Variants in CD99 observed in about 807,000 individuals in gnomAD.
CD99 encodes the protein CD99 molecule (Xg blood group).
In CD99, 19 loss-of-function variants were observed where a neutral mutation model predicts 28.4. The ratio of observed to expected loss-of-function variants is 0.67; its 90% confidence interval spans 0.47 to 0.98. The LOEUF (loss-of-function observed/expected upper bound fraction) is 0.98. CD99 is among the 50% of genes least tolerant of loss of function. The pLI is 0.00. For missense variants in CD99, 283 were observed against 248.8 expected (o/e 1.14, Z -0.92); for synonymous variants, 103 against 92.1 (o/e 1.12, Z -0.67).
chrX:2,691,517 C>A lies in CD99; in HGVS notation c.67+90C>A, dbSNP rs1430557896. On this transcript the variant is annotated intron_variant, in intron 1 of 9. Coordinates refer to ENST00000381192, the MANE Select transcript of CD99 (RefSeq NM_002414.5). ...TTGAGATGCGGCGTTGGGGGCGCCC[C>A]GCGGGGACACCCGGAGCCTCCTCCC... 2.9e-6 allele frequency: 4 copies of A among 1,392,726 alleles called. 1 individual carries two copies. Among genetic ancestry groups the A allele is most frequent in the Non-Finnish European group, 9.8e-7 (1 of 1,019,414 alleles). 86.3% of individuals were successfully genotyped at this position (1,392,726 alleles called of 1,614,324 possible).
intron 1 of CD99, among the ~76,000 whole-genome samples, chrX:2,695,535 T>C (rs311032): frequency 0.74 from 112,982 of 151,858 alleles, 42,341 homozygotes; most frequent in South Asian, 0.79. Flanking sequence ...CCTCAGCCTC[T>C]GTAGTAGCTG....
chrX:2,740,239 A>G (rs2050137606), intron 9 of CD99, among the ~76,000 whole-genome samples: 1 of 152,222 alleles, frequency 6.6e-6, no homozygotes. Flanking sequence ...TGGCTTCATT[A>G]GCCAGTACAT....
At chrX:2,703,930 C>T (rs1415998681) in intron 1 of CD99, among the ~76,000 whole-genome samples, 6 of 151,926 alleles carry the variant, frequency 3.9e-5, no homozygotes, top group Admixed American at 2.0e-4. Context: ...GTGACAGGGA[C>T]GGAGAGCAGG....
intron 1 of CD99, among the ~76,000 whole-genome samples, chrX:2,694,527 T>TG (rs1487563924): frequency 3.9e-5 from 6 of 152,068 alleles, no homozygotes; most frequent in Middle Eastern, 3.4e-3. Flanking sequence ...CGAGGGCCGG[T>TG]GGGTCACATG....
chrX:2,715,026 A>G (rs1009059215), intron 2 of CD99: 4 of 152,508 alleles, frequency 2.6e-5, no homozygotes, highest in African/African-American at 9.7e-5. Context: ...GGAGGTGAGC[A>G]AATGGAGGTC....
chrX:2,693,290 T>G (rs1174403356), intron 1 of CD99, among the ~76,000 whole-genome samples: 1 of 140,056 alleles, frequency 7.1e-6, no homozygotes, highest in Admixed American at 8.2e-5. Flanking sequence ...AGACTGGGCT[T>G]AGGAACTCCA....
rs1027323096 is a variant in CD99, at chrX:2,711,410, TA to T, written c.68-3011del. Among the ~76,000 whole-genome samples the T allele has an allele frequency of 2.0e-3, 253 of 124,302 alleles. 3 individuals carry two copies. The highest frequency in any genetic ancestry group is 8.0e-3 in the African/African-American group (216 of 27,090). The allele number at this position is 124,302 out of a possible 152,430, so 81.5% of individuals were successfully genotyped here. A position where few individuals can be genotyped will look rare whatever the true frequency, so the allele number is the denominator to read the frequency against. On this transcript the variant is annotated intron_variant, in intron 1 of 9. Coordinates refer to ENST00000381192, the MANE Select transcript of CD99 (RefSeq NM_002414.5). ...TATGTGTATATATAGTATGTGTGTGTATTATATATATATATAGTATGTGTAT... is the reference window on the plus strand; with the variant it reads ...TATGTGTATATATAGTATGTGTGTGTTTATATATATATATAGTATGTGTAT...
chrX:2,734,016 T>C (rs2049809267), intron 8 of CD99, among the ~76,000 whole-genome samples: 1 of 152,132 alleles, frequency 6.6e-6, no homozygotes, highest in South Asian at 2.1e-4. Flanking sequence ...GTGTTGGGAA[T>C]TGGTGGGTGG....
rs2049870313 is a variant in CD99, at chrX:2,735,121, CAG to C, written c.476-3076_476-3075del. On this transcript the variant is annotated intron_variant, in intron 8 of 9. Coordinates refer to ENST00000381192, the MANE Select transcript of CD99 (RefSeq NM_002414.5). ...AGTCCAGAATGTCCTGCGTGTTTCC[CAG>C]AGTGTCTGTCCTAACACCGCTTAAA... Among the ~76,000 whole-genome samples the C allele has an allele frequency of 1.2e-4, 19 of 152,308 alleles. No individual in the cohort carries two copies. The South Asian group carries it at 3.7e-3, about 30-fold the overall frequency.
At chrX:2,694,462 T>C (rs1159488612) in intron 1 of CD99, among the ~76,000 whole-genome samples, 1 of 152,040 alleles carries the variant, frequency 6.6e-6, no homozygotes, top group Admixed American at 6.6e-5. Context: ...TTTAACTCCC[T>C]ACTTTAGGCC....
At chrX:2,740,126 G>A (rs992020320) in intron 9 of CD99, among the ~76,000 whole-genome samples, 6 of 151,804 alleles carry the variant, frequency 4.0e-5, no homozygotes, top group Non-Finnish European at 7.4e-5. Flanking sequence ...AAGAAAGTTA[G>A]TGTCTTGTTG....
rs200820984 is a variant in CD99, at chrX:2,740,844, G to T, written c.*40G>T. 47 of 1,611,420 alleles carry T rather than the reference G, an allele frequency of 2.9e-5. No homozygotes were observed. Among genetic ancestry groups the T allele is most frequent in the South Asian group, 5.5e-5 (5 of 91,014 alleles). ...AAACAGCCCAGGCGTTGGCAGCAGG[G>T]TTAGAACAGCTGCCTGAGGCTCCTC... On this transcript the variant is annotated 3_prime_UTR_variant, in exon 10 of 10. Coordinates refer to ENST00000381192, the MANE Select transcript of CD99 (RefSeq NM_002414.5).
intron 1 of CD99, among the ~76,000 whole-genome samples, chrX:2,707,357 C>T (rs867888842): frequency 6.2e-5 from 7 of 112,550 alleles, no homozygotes; most frequent in Admixed American, 6.0e-4. Context: ...AAGAAAAAAA[C>T]AGCAAAAAGA....
intron 1 of CD99, among the ~76,000 whole-genome samples, chrX:2,707,878 T>C (rs1398647816): frequency 2.0e-5 from 3 of 152,038 alleles, no homozygotes; most frequent in Non-Finnish European, 4.4e-5. Context: ...AAAAGGCAAG[T>C]GGGGGTGTCT....
At position 2,723,202 on chromosome X, in the gene CD99, A is replaced by C. The variant is rs2049088848; in HGVS notation, c.311-112A>C. ...GACCCCAGCTCTGTAGCTGGGTAAC[A>C]TGTACCCCCGTAGAGTGTAAGAAGC... On this transcript the variant is annotated intron_variant, in intron 6 of 9. Coordinates refer to ENST00000381192, the MANE Select transcript of CD99 (RefSeq NM_002414.5). 2.8e-6 allele frequency: 3 copies of C among 1,063,884 alleles called. No homozygotes were observed. The South Asian group carries it at 3.8e-5, about 13-fold the overall frequency. 65.9% of individuals were successfully genotyped at this position (1,063,884 alleles called of 1,614,324 possible).
chrX:2,740,007 G>A (rs1433707063), intron 9 of CD99, among the ~76,000 whole-genome samples: 1 of 151,342 alleles, frequency 6.6e-6, no homozygotes, highest in Non-Finnish European at 1.5e-5. Flanking sequence ...CAGGAGAATC[G>A]CTTGAACCCG....
Position 2,701,317 on chromosome X carries a change from C to T in CD99, c.67+9890C>T, listed in dbSNP as rs774152062. On this transcript the variant is annotated intron_variant, in intron 1 of 9. Transcript: ENST00000381192. ...CAGTCCATGGCTCTTTCATGTATTC[C>T]TTCAGCCAGCATAGGTTGAAGTTAA... 5.9e-5 allele frequency among the ~76,000 whole-genome samples: 9 copies of T among 152,336 alleles called. No individual in the cohort carries two copies. The South Asian group carries it at 8.3e-4, about 14-fold the overall frequency.
At chrX:2,706,489 G>GT (rs2048124728) in intron 1 of CD99, among the ~76,000 whole-genome samples, 1 of 152,214 alleles carries the variant, frequency 6.6e-6, no homozygotes, top group Admixed American at 6.5e-5. Flanking sequence ...TGTCCTGAAA[G>GT]TTTCGTGTTT....
intron 2 of CD99, 51 bp from the exon 3 acceptor site, chrX:2,717,554 C>G (rs971493803): frequency 3.5e-6 from 5 of 1,410,142 alleles, no homozygotes; most frequent in Admixed American, 1.7e-5. Context: ...AGAGTTGACA[C>G]TTGTTTTCCC....
Sources: allele counts gnomAD v4.1 joint callset (sites outside exome capture counted in the v4.1 genomes callset), GRCh38; gene constraint gnomAD v4.1.1; transcripts MANE v1.5; gene names NCBI Gene and HGNC (gene_info 2026-07-23, HGNC 2026-07-21).